The following MACROD2 variants were observed in gnomAD, a reference collection of about 807,000 sequenced individuals.
MACROD2 encodes the protein mono-ADP ribosylhydrolase 2.
In MACROD2, 36 loss-of-function variants were observed where a neutral mutation model predicts 70.4. That is an observed-to-expected ratio of 0.51 (90% CI 0.39 to 0.68). The LOEUF is 0.68. Among genes scored for constraint, MACROD2 ranks in the 30% least tolerant of loss-of-function variants. MACROD2 has a pLI of 0.00. For missense variants in MACROD2, 496 were observed against 538.4 expected, an observed-to-expected ratio of 0.92 and a Z score of 0.78; for synonymous variants, 172 against 178.8, an observed-to-expected ratio of 0.96 and a Z score of 0.30.
At chr20:15,685,295 C>T (rs923647078) in intron 8 of MACROD2, among the ~76,000 whole-genome samples, 11 of 152,066 alleles carry the variant, frequency 7.2e-5, no homozygotes, top group Admixed American at 2.0e-4. Flanking sequence ...AGGAAGGTAT[C>T]GTGATGGAGA....
intron 12 of MACROD2, among the ~76,000 whole-genome samples, chr20:15,959,431 C>T (rs1386340077): frequency 3.9e-5 from 6 of 152,262 alleles, no homozygotes; most frequent in Middle Eastern, 3.4e-3. Flanking sequence ...GTATAAGTTT[C>T]GTGAGTACTG....
chr20:14,342,412 A>G (rs1454461316), intron 3 of MACROD2, among the ~76,000 whole-genome samples: 3 of 152,124 alleles, frequency 2.0e-5, no homozygotes, highest in African/African-American at 7.2e-5. Context: ...AGATACTCTT[A>G]TTTGTAGACG....
chr20:15,111,186 T>TA (rs1232175184), intron 5 of MACROD2, among the ~76,000 whole-genome samples: 8 of 151,490 alleles, frequency 5.3e-5, no homozygotes, highest in African/African-American at 1.9e-4. Context: ...TGTTTTTTTT[T>TA]TTTTGCGACG....
At chr20:14,126,288 T>A (rs2054649160) in intron 3 of MACROD2, among the ~76,000 whole-genome samples, 1 of 152,216 alleles carries the variant, frequency 6.6e-6, no homozygotes, top group African/African-American at 2.4e-5. Context: ...CTGGTGTCTG[T>A]ATGTTCTCAT....
rs142512052 is a variant in MACROD2 at position 15,757,152 on chromosome 20, G to A, written c.646-105593G>A. Reference sequence around the variant, plus strand: ...ACACATCCCTTTGCATAATTTTTTTGAAAGTAAAACCAAAACAAAACAAAA... The same window carrying A: ...ACACATCCCTTTGCATAATTTTTTTAAAAGTAAAACCAAAACAAAACAAAA... On this transcript the variant is annotated intron_variant, in intron 8 of 17. Transcript: ENST00000684519. 5.1e-4 allele frequency among the ~76,000 whole-genome samples: 77 copies of A among 152,188 alleles called. 2 individuals are homozygous for A. Among genetic ancestry groups the A allele is most frequent in the African/African-American group, 1.8e-3 (73 of 41,534 alleles).
At chr20:14,145,918 T>C (rs935692563) in intron 3 of MACROD2, among the ~76,000 whole-genome samples, 1 of 152,242 alleles carries the variant, frequency 6.6e-6, no homozygotes, top group African/African-American at 2.4e-5. Context: ...TATTAGTTTA[T>C]TGGAAGTCTG....
intron 5 of MACROD2, among the ~76,000 whole-genome samples, chr20:15,215,706 G>T (rs2076804561): frequency 6.6e-6 from 1 of 151,976 alleles, no homozygotes; most frequent in Admixed American, 6.6e-5. Flanking sequence ...CAGTCAAAAG[G>T]TTGGTAGAGA....
intron 2 of MACROD2, among the ~76,000 whole-genome samples, chr20:14,047,145 CAAAG>C (rs1017123131): frequency 1.3e-4 from 20 of 151,902 alleles, no homozygotes; most frequent in Admixed American, 6.6e-4. Flanking sequence ...TATATAAAAA[CAAAG>C]AAATCCATGG....
chr20:14,842,403 A>T (rs2073096863), intron 5 of MACROD2, among the ~76,000 whole-genome samples: 1 of 152,078 alleles, frequency 6.6e-6, no homozygotes, highest in Non-Finnish European at 1.5e-5. Flanking sequence ...AGTAATCTTT[A>T]GTCCTGAATA....
intron 3 of MACROD2, 55 bp from the exon 4 acceptor site, chr20:14,493,419 ATATAC>A (rs2084816315): frequency 7.3e-7 from 1 of 1,377,376 alleles, no homozygotes; most frequent in Non-Finnish European, 1.0e-6. Context: ...AATTACTCTG[ATATAC>A]TATATTTCTT....
At chr20:14,982,105 T>C (rs1004958572) in intron 5 of MACROD2, among the ~76,000 whole-genome samples, 1 of 152,120 alleles carries the variant, frequency 6.6e-6, no homozygotes, top group Admixed American at 6.5e-5. Context: ...TGACTCTTGT[T>C]ATGTTTTAGG....
At chr20:14,634,036 C>G (rs75693438) in intron 4 of MACROD2, among the ~76,000 whole-genome samples, 3,575 of 152,306 alleles carry the variant, frequency 0.023, 61 homozygotes, top group Admixed American at 0.036. Flanking sequence ...CTCTCCTCAC[C>G]TGACACTTTG....
chr20:14,966,704 A>G (rs552244971), intron 5 of MACROD2, among the ~76,000 whole-genome samples: 1 of 151,660 alleles, frequency 6.6e-6, no homozygotes, highest in African/African-American at 2.4e-5. Context: ...TTCATACTAT[A>G]TGTTCTCTTT....
In MACROD2 at chr20:16,033,897, G is replaced by A. The variant is rs569441257; in HGVS notation, c.1154-7304G>A. Among the ~76,000 whole-genome samples, 332 of 151,946 alleles carry A rather than the reference G, an allele frequency of 2.2e-3. 1 individual carries two copies. The highest frequency in any genetic ancestry group is 7.7e-3 in the African/African-American group (318 of 41,480). On this transcript the variant is annotated intron_variant, in intron 15 of 17. Coordinates refer to ENST00000684519, the MANE Select transcript of MACROD2 (RefSeq NM_001351661.2). Reference sequence around the variant, plus strand: ...AGAGAAAGGGAGAGACACAGAGAGAGAAAAAATCAAAGGCATACTCAATGA... The same window carrying A: ...AGAGAAAGGGAGAGACACAGAGAGAAAAAAAATCAAAGGCATACTCAATGA...
intron 5 of MACROD2, among the ~76,000 whole-genome samples, chr20:14,727,389 GCCTGGCATGGT>G (rs2071542699): frequency 6.6e-6 from 1 of 152,014 alleles, no homozygotes. Flanking sequence ...TTAAAAATTA[GCCTGGCATGGT>G]GGCATGCACC....
intron 5 of MACROD2, among the ~76,000 whole-genome samples, chr20:14,815,577 A>G (rs2072764413): frequency 6.6e-6 from 1 of 152,006 alleles, no homozygotes; most frequent in African/African-American, 2.4e-5. Context: ...TAAAATTAGT[A>G]TGTCATTCTT....
At chr20:15,667,407 A>T (rs1178893095) in intron 8 of MACROD2, among the ~76,000 whole-genome samples, 2 of 152,178 alleles carry the variant, frequency 1.3e-5, no homozygotes, top group Non-Finnish European at 2.9e-5. Context: ...CCTTCTCTTT[A>T]GAAAGTACCC....
chr20:14,331,733 G>A lies in MACROD2; in HGVS notation c.272-161746G>A, dbSNP rs145602511. Among the ~76,000 whole-genome samples the A allele has an allele frequency of 4.7e-3, 712 of 152,118 alleles. 2 individuals carry two copies. Among genetic ancestry groups the A allele is most frequent in the African/African-American group, 0.017 (692 of 41,518 alleles). Reference sequence around the variant, plus strand: ...GGGTTTTGGTTTTGGCATATTAAAGGCTGCAAGGATCTCTTCATCAAAAAT... The same window carrying A: ...GGGTTTTGGTTTTGGCATATTAAAGACTGCAAGGATCTCTTCATCAAAAAT... On this transcript the variant is annotated intron_variant, in intron 3 of 17. Coordinates refer to ENST00000684519, the MANE Select transcript of MACROD2 (RefSeq NM_001351661.2).
chr20:14,962,482 G>A (rs115324199), intron 5 of MACROD2, among the ~76,000 whole-genome samples: 2,396 of 149,452 alleles, frequency 0.016, 65 homozygotes, highest in African/African-American at 0.054. Context: ...ATATAGTTAT[G>A]TTTGTTTTGT....
Sources: allele counts gnomAD v4.1 joint callset (sites outside exome capture counted in the v4.1 genomes callset), GRCh38; gene constraint gnomAD v4.1.1; transcripts MANE v1.5; gene names NCBI Gene and HGNC (gene_info 2026-07-23, HGNC 2026-07-21).